The following FAM135B variants were observed in gnomAD, a reference collection of about 807,000 sequenced individuals.
The protein encoded by FAM135B is family with sequence similarity 135 member B, also known as protein FAM135B.
FAM135B carries 43 observed loss-of-function variants against 127.7 expected under a neutral mutation model. The observed-to-expected ratio is 0.34, with a 90% CI of 0.26 to 0.43. The LOEUF (loss-of-function observed/expected upper bound fraction) is 0.43, where lower values mean the gene tolerates loss of function less well. FAM135B is among the 20% of genes least tolerant of loss of function. The probability of loss-of-function intolerance (pLI) is 1.00; values close to 1 mark genes in which losing one functional copy is unlikely to be tolerated. For missense variants in FAM135B, 1,558 were observed against 1,725.6 expected (o/e 0.90, Z 1.72); for synonymous variants, 670 against 665.1 (o/e 1.01, Z -0.11).
intron 2 of FAM135B, among the ~76,000 whole-genome samples, chr8:138,335,568 A>T (rs1828514470): frequency 6.6e-6 from 1 of 152,190 alleles, no homozygotes; most frequent in Non-Finnish European, 1.5e-5. Flanking sequence ...TATCCTAAAT[A>T]TATATGCACC....
intron 2 of FAM135B, among the ~76,000 whole-genome samples, chr8:138,364,819 G>T (rs1458824629): frequency 6.6e-6 from 1 of 152,072 alleles, no homozygotes; most frequent in Non-Finnish European, 1.5e-5. Context: ...TTTAAAAATA[G>T]ATATTTTATA....
At chr8:138,235,187 C>T (rs950221575) in intron 7 of FAM135B, among the ~76,000 whole-genome samples, 2 of 152,138 alleles carry the variant, frequency 1.3e-5, no homozygotes, top group East Asian at 3.9e-4. Flanking sequence ...TCTCTATCTC[C>T]TCACCTCACT....
At chr8:138,296,339 A>G (rs2130818694) in intron 3 of FAM135B, among the ~76,000 whole-genome samples, 1 of 152,308 alleles carries the variant, frequency 6.6e-6, no homozygotes, top group Non-Finnish European at 1.5e-5. Flanking sequence ...GTGACTCCAC[A>G]TGAATTAACA....
intron 9 of FAM135B, among the ~76,000 whole-genome samples, chr8:138,188,378 C>T (rs1815778358): frequency 6.6e-6 from 1 of 152,186 alleles, no homozygotes. Context: ...GCACCCCTAA[C>T]CAGTGGGATC....
intron 12 of FAM135B, among the ~76,000 whole-genome samples, chr8:138,165,070 A>G (rs1819775765): frequency 6.6e-6 from 1 of 151,966 alleles, no homozygotes; most frequent in Non-Finnish European, 1.5e-5. Flanking sequence ...TCCAGCTGAT[A>G]TTGCAGGATG....
In FAM135B at chr8:138,151,797, G is replaced by A. The variant is rs2130743361; in HGVS notation, c.2678C>T (p.Thr893Ile). 1 of 1,614,118 alleles carries A rather than the reference G, an allele frequency of 6.2e-7. No individual in the cohort carries two copies. Among genetic ancestry groups the A allele is most frequent in the Middle Eastern group, 1.6e-4 (1 of 6,062 alleles). ...CTCAAGTGCTCTATGAAGAGATCTG[G>A]TCCTGGGGTTTTCAAGTGCTATGAC... ...PRVIALENPR[T>I]RSLHRALEET... Residue 893 changes from threonine to isoleucine, a missense_variant, in exon 13 of 20, where the codon ACC (threonine) becomes ATC (isoleucine). Thr to Ile is a moderately conservative substitution (Grantham distance 89). Transcript: ENST00000395297.
At position 138,137,177 on chromosome 8, in the gene FAM135B, A is replaced by G; in HGVS notation, c.3985T>C (p.Cys1329Arg). 1 of 1,603,144 alleles carries G rather than the reference A, an allele frequency of 6.2e-7. No individual in the cohort carries two copies. The highest frequency in any genetic ancestry group is 8.5e-7 in the Non-Finnish European group (1 of 1,169,934). The change falls in exon 19 of 20, where the codon TGT becomes CGT. Residue 1329 changes from cysteine (C) to arginine (R), a missense_variant. Physicochemically the swap from Cys to Arg is radical, Grantham distance 180 (BLOSUM62 -3). Coordinates refer to ENST00000395297, the MANE Select transcript of FAM135B (RefSeq NM_015912.4). ...VPFHSARIEM[C>R]KTALKDRHTG... ...TGTCTGTCTTTGAGGGCAGTTTTAC[A>G]CATTTCAATCCTGGCTGAATGAAAT...
chr8:138,323,743 G>A (rs1191968278), intron 2 of FAM135B, among the ~76,000 whole-genome samples: 1 of 152,156 alleles, frequency 6.6e-6, no homozygotes, highest in Non-Finnish European at 1.5e-5. Context: ...ACTTTGTGTA[G>A]GTGAAAATTC....
intron 2 of FAM135B, chr8:138,367,305 A>G (rs1587250848): frequency 6.7e-6 from 3 of 450,252 alleles, no homozygotes; most frequent in Admixed American, 4.8e-5. Context: ...GGTTTCTTAT[A>G]TAACCATTTC....
At chr8:138,406,754 G>A (rs1051872876) in intron 1 of FAM135B, among the ~76,000 whole-genome samples, 7 of 150,786 alleles carry the variant, frequency 4.6e-5, no homozygotes, top group East Asian at 1.9e-4. Flanking sequence ...TTGATGGGAC[G>A]TATCTCGAAA....
In FAM135B at chr8:138,242,476, T is replaced by C. The variant is rs1469527677; in HGVS notation, c.669+466A>G. Among the ~76,000 whole-genome samples, 1 of 152,088 alleles carries C rather than the reference T, an allele frequency of 6.6e-6. No individual in the cohort carries two copies. Among genetic ancestry groups the C allele is most frequent in the African/African-American group, 2.4e-5 (1 of 41,418 alleles). On this transcript the variant is annotated intron_variant, in intron 7 of 19. Coordinates refer to ENST00000395297, the MANE Select transcript of FAM135B (RefSeq NM_015912.4). The surrounding 1 kb of genome is among the most constrained non-coding windows in gnomAD (Gnocchi z 9.6). Reference sequence around the variant, plus strand: ...GTATTGGATACCGGGCTAGGAACTTTACATTTATTACAACATTTGGGTACA... The same window carrying C: ...GTATTGGATACCGGGCTAGGAACTTCACATTTATTACAACATTTGGGTACA...
Position 138,153,214 on chromosome 8 carries a change from G to T in FAM135B, c.1261C>A (p.His421Asn). ...AAATTAGGATAAACACTCAAGTTAT[G>T]CCCTACAAAAAAAAAAGAAAGAAAA... The part of the protein sequence containing the change: ...DRYVDCPATG[H>N]NLSVYPNFDV... The change falls in exon 13 of 20, where the codon CAT becomes AAT. Residue 421 changes from histidine (H) to asparagine (N), a missense_variant and splice_region_variant. By Grantham distance (68) the His-to-Asn change is moderately conservative. Around this residue, in one of 5 missense-constraint regions of FAM135B, gnomAD observed 923 missense variants for 865.3 expected, o/e 1.07. Transcript: ENST00000395297. The T allele has an allele frequency of 1.4e-6, 2 of 1,472,840 alleles. No homozygotes were observed. The highest frequency in any genetic ancestry group is 2.6e-5 in the Admixed American group (1 of 38,340). The allele number at this position is 1,472,840 out of a possible 1,614,324, so 91.2% of individuals were successfully genotyped here. A position where few individuals can be genotyped will look rare whatever the true frequency, so the allele number is the denominator to read the frequency against.
chr8:138,356,707 C>T (rs1830112144), intron 2 of FAM135B, among the ~76,000 whole-genome samples: 1 of 152,070 alleles, frequency 6.6e-6, no homozygotes, highest in Admixed American at 6.6e-5. Context: ...TGGTGTCTTC[C>T]GTTTTTCCAA....
At chr8:138,439,420 C>T (rs575267868) in intron 1 of FAM135B, 6 of 152,164 alleles carry the variant, frequency 3.9e-5, no homozygotes, top group Non-Finnish European at 5.9e-5. Context: ...ACCATGTGAC[C>T]TCAGTAGTCC....
At chr8:138,200,570 G>A (rs1270261989) in intron 7 of FAM135B, among the ~76,000 whole-genome samples, 1 of 152,062 alleles carries the variant, frequency 6.6e-6, no homozygotes, top group African/African-American at 2.4e-5. Flanking sequence ...ATATAAATAC[G>A]GTGAAACAAA....
chr8:138,428,041 C>T (rs1037532619), intron 1 of FAM135B, among the ~76,000 whole-genome samples: 32 of 152,114 alleles, frequency 2.1e-4, no homozygotes, highest in Admixed American at 2.6e-4. Context: ...AACAGCACCA[C>T]GATCATAATA....
At chr8:138,214,571 T>C (rs1818401959) in intron 7 of FAM135B, among the ~76,000 whole-genome samples, 1 of 152,174 alleles carries the variant, frequency 6.6e-6, no homozygotes, top group African/African-American at 2.4e-5. Context: ...CAAATAAAGA[T>C]GTCTGCATCA....
intron 1 of FAM135B, among the ~76,000 whole-genome samples, chr8:138,377,356 G>A (rs1020017787): frequency 6.6e-6 from 1 of 152,180 alleles, no homozygotes; most frequent in African/African-American, 2.4e-5. Flanking sequence ...ATCTACCTCA[G>A]TCTGTTTTCT....
intron 7 of FAM135B, among the ~76,000 whole-genome samples, chr8:138,233,504 A>C (rs574241619): frequency 6.6e-6 from 1 of 152,316 alleles, no homozygotes; most frequent in African/African-American, 2.4e-5. Flanking sequence ...TACACCATAT[A>C]CAACAATCAA....
Sources: gnomAD v4.1 joint callset for allele counts (sites outside exome capture counted in the v4.1 genomes callset) on GRCh38, gnomAD v4.1.1 for gene constraint, gnomAD v4.1.1 regional missense constraint, Gnocchi (gnomAD v3.1) non-coding constraint, MANE v1.5 for transcripts, NCBI Gene and HGNC (gene_info 2026-07-23, HGNC 2026-07-21) for gene names.